RPL17: variants seen among roughly 807,000 people sequenced by gnomAD.
The protein encoded by RPL17 is large ribosomal subunit protein uL22.
Under a neutral mutation model 27.7 loss-of-function variants are expected in RPL17, and 2 were observed. The observed-to-expected ratio is 0.07, with a 90% CI of 0.03 to 0.23. The LOEUF is 0.23. RPL17 is among the 10% of genes least tolerant of loss of function. The pLI is 1.00. For missense variants in RPL17, 141 were observed against 238.8 expected (o/e 0.59, Z 2.70); for synonymous variants, 76 against 75.5 (o/e 1.01, Z -0.03).
At chr18:49,492,361 C>G (rs1417044543) in intron 1 of RPL17, 97 bp downstream of exon 1, 3 of 152,552 alleles carry the variant, frequency 2.0e-5, no homozygotes, top group Non-Finnish European at 4.4e-5. Flanking sequence ...CCTAGGAGTT[C>G]TCCTCCCGGG....
At chr18:49,490,393 G>C (rs531016013) in intron 5 of RPL17, 61 bp downstream of exon 5, 3 of 1,560,700 alleles carry the variant, frequency 1.9e-6, no homozygotes, top group Admixed American at 1.8e-5. Flanking sequence ...ACATAAATCT[G>C]AACAGCCAAC....
chr18:49,492,307 C>T (rs968044898), intron 1 of RPL17, 151 bp downstream of exon 1: 2 of 152,862 alleles, frequency 1.3e-5, no homozygotes, highest in Admixed American at 6.5e-5. Flanking sequence ...TCCGCCACGT[C>T]CTCCCGCATA....
chr18:49,490,114 T>C, intron 5 of RPL17: 1 of 241,902 alleles, frequency 4.1e-6, no homozygotes, highest in East Asian at 1.1e-4. Context: ...GGCAATCATT[T>C]TGATAATTAA....
chr18:49,491,253 C>G (rs931390617), intron 3 of RPL17, 152 bp downstream of exon 3: 3 of 1,239,384 alleles, frequency 2.4e-6, no homozygotes, highest in Admixed American at 1.7e-5. Context: ...CATCCTTACA[C>G]CCTGATCATC....
chr18:49,489,488 G>A lies in RPL17; in HGVS notation c.378C>T (p.Arg126=), dbSNP rs778454161. The A allele has an allele frequency of 1.2e-5, 19 of 1,602,866 alleles. No homozygotes were observed. The highest frequency in any genetic ancestry group is 8.5e-7 in the Non-Finnish European group (1 of 1,179,896). ...HIQVNKAPKM[R]RRTYRAHGRI... is the part of the protein sequence containing the mutation. ...GACCATGAGCTCTGTAGGTCCGGCGGCGCATCTTAGGTGCTTTGTTCACTT... is the reference window on the plus strand; with the variant it reads ...GACCATGAGCTCTGTAGGTCCGGCGACGCATCTTAGGTGCTTTGTTCACTT... The change falls in exon 6 of 7, where the codon CGC becomes CGT. Residue 126 remains arginine, a synonymous_variant. Coordinates refer to ENST00000580261, the MANE Select transcript of RPL17 (RefSeq NM_001035006.5).
chr18:49,488,569 G>T lies in RPL17; in HGVS notation c.508-3C>A. The stretch of plus-strand genomic sequence containing the variant: ...TTCTTCAGTTTCTTCTGGGATATCT[G>T]GGGAAAGAAAAATGTGTTAAGTTTC... On this transcript the variant is annotated splice_polypyrimidine_tract_variant and splice_region_variant and intron_variant, in intron 6 of 6. Transcript: ENST00000580261. 5.9e-6 allele frequency: 9 copies of T among 1,533,508 alleles called. No homozygotes were observed. The highest frequency in any genetic ancestry group is 8.0e-6 in the Non-Finnish European group (9 of 1,123,522). The allele number at this position is 1,533,508 out of a possible 1,614,324, so 95.0% of individuals were successfully genotyped here.
intron 5 of RPL17, 133 bp downstream of exon 5, chr18:49,490,321 A>G (rs2083964998): frequency 2.1e-6 from 2 of 941,328 alleles, no homozygotes; most frequent in Non-Finnish European, 3.1e-6. Flanking sequence ...CATTCTGTGG[A>G]AACTGCAGGT....
intron 5 of RPL17, chr18:49,490,227 C>T (rs535435479): frequency 5.9e-6 from 3 of 511,056 alleles, no homozygotes; most frequent in Non-Finnish European, 1.0e-5. Flanking sequence ...AAGTGTTAGG[C>T]TTAAAGAGAC....
At chr18:49,490,215 C>T (rs2083955192) in intron 5 of RPL17, 1 of 442,966 alleles carries the variant, frequency 2.3e-6, no homozygotes, top group Non-Finnish European at 4.0e-6. Flanking sequence ...ACTAGAAATA[C>T]TAAGTGTTAG....
chr18:49,490,245 C>T, intron 5 of RPL17: 1 of 549,172 alleles, frequency 1.8e-6, no homozygotes, highest in Non-Finnish European at 3.2e-6. Flanking sequence ...GACCACAGAG[C>T]ACGCTTCTGG....
chr18:49,488,686 A>C, intron 6 of RPL17, 120 bp from the exon 7 acceptor site: 1 of 656,560 alleles, frequency 1.5e-6, no homozygotes, highest in South Asian at 1.8e-5. Context: ...AAAATACTTA[A>C]ATGGTAGAAA....
intron 2 of RPL17, 23 bp downstream of exon 2, chr18:49,491,509 G>A (rs368333575): frequency 3.1e-6 from 5 of 1,614,044 alleles, no homozygotes; most frequent in Admixed American, 3.3e-5. Context: ...TAGGAAATGG[G>A]TATCTACCTC....
Position 49,490,511 on chromosome 18 carries a change from C to T in RPL17, c.258G>A (p.Lys86=), listed in dbSNP as rs779684897. The T allele has an allele frequency of 6.2e-7, 1 of 1,613,976 alleles. No homozygotes were observed. ...WGWTQGRWPK[K]SAEFLLHMLK... is the part of the protein sequence containing the mutation. ...GCATGTGCAGCAAAAATTCAGCACT[C>T]TTTTTGGGCCACCGACCTTGTGTCC... The change falls in exon 5 of 7, where the codon AAG becomes AAA. Residue 86 remains lysine (K), a synonymous_variant. Coordinates refer to ENST00000580261, the MANE Select transcript of RPL17 (RefSeq NM_001035006.5).
intron 1 of RPL17, chr18:49,491,961 C>T (rs1600508077): frequency 2.7e-6 from 1 of 376,050 alleles, no homozygotes; most frequent in South Asian, 2.1e-5. Context: ...TCTACAGAAA[C>T]CCCTTTGCTG....
intron 3 of RPL17, 150 bp from the exon 4 acceptor site, chr18:49,491,077 C>G (rs2084036660): frequency 7.7e-7 from 1 of 1,291,516 alleles, no homozygotes; most frequent in Non-Finnish European, 1.1e-6. Context: ...GACTAAAAGC[C>G]AGGTAAACTT....
rs552682248 is a variant in RPL17, at chr18:49,491,159, T to C, written c.82-232A>G. 2.5e-5 allele frequency: 22 copies of C among 896,766 alleles called. No homozygotes were observed. The African/African-American group carries it at 3.5e-4, about 14-fold the overall frequency. 55.6% of individuals were successfully genotyped at this position (896,766 alleles called of 1,614,324 possible). A position where few individuals can be genotyped will look rare whatever the true frequency, so the allele number is the denominator to read the frequency against. On this transcript the variant is annotated intron_variant, in intron 3 of 6. Coordinates refer to ENST00000580261, the MANE Select transcript of RPL17 (RefSeq NM_001035006.5). Reference sequence around the variant, plus strand: ...ACGTTTAAATTCCATCATCATGTAATTACAATTAAAATGCCCCATCTTGAT... The same window carrying C: ...ACGTTTAAATTCCATCATCATGTAACTACAATTAAAATGCCCCATCTTGAT...
chr18:49,491,257 GATC>G (rs771921974), intron 3 of RPL17, 145 bp downstream of exon 3: 9 of 1,259,844 alleles, frequency 7.1e-6, no homozygotes, highest in Non-Finnish European at 9.3e-6. Context: ...CTTACACCCT[GATC>G]ATCAATGCCT....
chr18:49,491,027 A>C, intron 3 of RPL17, 100 bp from the exon 4 acceptor site: 1 of 1,563,554 alleles, frequency 6.4e-7, no homozygotes, highest in Non-Finnish European at 8.7e-7. Context: ...ATGTCGAGTT[A>C]TTTCTATTCT....
At chr18:49,491,156 TAATTACAATTAA>T in intron 3 of RPL17, 1 of 882,292 alleles carries the variant, frequency 1.1e-6, no homozygotes, top group Admixed American at 2.1e-5. Flanking sequence ...CATCATCATG[TAATTACAATTAA>T]AATGCCCCAT....
Sources: allele counts gnomAD v4.1 joint callset, GRCh38; gene constraint gnomAD v4.1.1; transcripts MANE v1.5; gene names NCBI Gene and HGNC (gene_info 2026-07-23, HGNC 2026-07-21).